The following FBXO31 variants were observed in gnomAD, a reference collection of about 807,000 sequenced individuals.
FBXO31 encodes the protein F-box protein 31.
In FBXO31, 24 loss-of-function variants were observed where a neutral mutation model predicts 54.4. That is an observed-to-expected ratio of 0.44 (90% CI 0.32 to 0.62). FBXO31 has a LOEUF of 0.62. FBXO31 is among the 20% of genes least tolerant of loss of function. The pLI is 0.05. For synonymous variants in FBXO31, 388 were observed against 335.6 expected (o/e 1.16, Z -1.71); for missense variants, 665 against 787.1 (o/e 0.84, Z 1.86).
chr16:87,376,905 C>T lies in FBXO31; in HGVS notation c.340+6500G>A, dbSNP rs1345508346. Among the ~76,000 whole-genome samples, 5 of 152,186 alleles carry T rather than the reference C, an allele frequency of 3.3e-5. No individual in the cohort carries two copies. In the East Asian group the frequency reaches 9.6e-4, roughly 29 times the overall value. ...AGTTTCAGGGCTCAGAAAACTAAGA[C>T]CCGATCTATCTCATATACGACTATT... On this transcript the variant is annotated intron_variant, in intron 1 of 8. Coordinates refer to ENST00000311635, the MANE Select transcript of FBXO31 (RefSeq NM_024735.5).
At chr16:87,340,224 T>A (rs747220053) in intron 5 of FBXO31, among the ~76,000 whole-genome samples, 2 of 152,062 alleles carry the variant, frequency 1.3e-5, no homozygotes, top group Non-Finnish European at 2.9e-5. Flanking sequence ...GAGGCGGAGG[T>A]TGCAGTGAGC....
chr16:87,360,400 C>A, intron 1 of FBXO31, 34 bp from the exon 2 acceptor site: 1 of 1,601,346 alleles, frequency 6.2e-7, no homozygotes, highest in South Asian at 1.1e-5. Context: ...AATTTAAGAT[C>A]AACAACTCAT....
intron 1 of FBXO31, among the ~76,000 whole-genome samples, chr16:87,375,301 C>T (rs548905541): frequency 5.3e-5 from 8 of 150,288 alleles, no homozygotes; most frequent in African/African-American, 1.5e-4. Flanking sequence ...AGCGAGACGC[C>T]GTCTCAAAAA....
At chr16:87,380,646 C>A (rs1339931050) in intron 1 of FBXO31, among the ~76,000 whole-genome samples, 7 of 152,116 alleles carry the variant, frequency 4.6e-5, no homozygotes, top group Non-Finnish European at 5.9e-5. Flanking sequence ...CCTTGGCCTG[C>A]CAAAGTGTGT....
At chr16:87,387,020 TG>T (rs1221017412), upstream of FBXO31, among the ~76,000 whole-genome samples, 1 of 152,006 alleles carries the variant, frequency 6.6e-6, no homozygotes, top group African/African-American at 2.4e-5. Flanking sequence ...AAGAAAAGGC[TG>T]GGAGTGGTGG....
chr16:87,380,229 C>G (rs1223200935), intron 1 of FBXO31, among the ~76,000 whole-genome samples: 1 of 133,534 alleles, frequency 7.5e-6, no homozygotes, highest in East Asian at 2.4e-4. Context: ...ACTCAGGAGG[C>G]AGAGGCTGTA....
intron 1 of FBXO31, chr16:87,367,812 T>A (rs1156862103): frequency 6.6e-6 from 1 of 152,252 alleles, no homozygotes; most frequent in Non-Finnish European, 1.5e-5. Flanking sequence ...TTGTTGTTTA[T>A]GCCGCCTGAA....
rs55746745 is a variant in FBXO31 at position 87,365,010 on chromosome 16, AATATATATATATAT to A, written c.341-4658_341-4645del. Among the ~76,000 whole-genome samples the A allele has an allele frequency of 6.9e-3, 331 of 47,678 alleles. 54 individuals carry two copies. The East Asian group carries it at 0.1, about 15-fold the overall frequency. The allele number at this position is 47,678 out of a possible 152,430, so 31.3% of individuals were successfully genotyped here. A position where few individuals can be genotyped will look rare whatever the true frequency, so the allele number is the denominator to read the frequency against. On this transcript the variant is annotated intron_variant, in intron 1 of 8. Transcript: ENST00000311635. The stretch of plus-strand genomic sequence containing the variant: ...TGACAGAGCGAGACCCCGTCTCTTA[AATATATATATATAT>A]ATATATATATATATATCAGGCAGGC...
chr16:87,335,483 A>T lies in FBXO31; in HGVS notation c.843-26T>A. On this transcript the variant is annotated intron_variant, in intron 6 of 8. Transcript: ENST00000311635. This position sits in a 1 kb window ranked among gnomAD's most constrained non-coding sequence, Gnocchi z 5.7. Reference sequence around the variant, plus strand: ...CTGTGGGGAGCGGACGGGTCAGTACAGGAGACCTCGTGGGGCAGGCAGGAC... The same window carrying T: ...CTGTGGGGAGCGGACGGGTCAGTACTGGAGACCTCGTGGGGCAGGCAGGAC... The T allele has an allele frequency of 6.8e-7, 1 of 1,474,586 alleles. No homozygotes were observed. Among genetic ancestry groups the T allele is most frequent in the Middle Eastern group, 1.9e-4 (1 of 5,310 alleles). The allele number at this position is 1,474,586 out of a possible 1,614,324, so 91.3% of individuals were successfully genotyped here.
chr16:87,367,433 CA>C (rs1906416916), intron 1 of FBXO31: 1 of 152,240 alleles, frequency 6.6e-6, no homozygotes, highest in South Asian at 2.1e-4. Flanking sequence ...TCAAGATTCC[CA>C]GGGGGGTCCT....
chr16:87,343,532 G>A, intron 4 of FBXO31, 66 bp downstream of exon 4: 1 of 1,525,954 alleles, frequency 6.6e-7, no homozygotes, highest in Non-Finnish European at 8.8e-7. Context: ...AGCACGGCAG[G>A]CCTGGCTGGA....
Position 87,334,254 on chromosome 16 carries a change from T to G in FBXO31, c.1029A>C (p.Thr343=), listed in dbSNP as rs761364387. 8 of 1,603,952 alleles carry G rather than the reference T, an allele frequency of 5.0e-6. No homozygotes were observed. In the South Asian group the frequency reaches 8.9e-5, roughly 18 times the overall value. The change falls in exon 8 of 9, where the codon ACA becomes ACC. Residue 343 remains threonine, a synonymous_variant. Transcript: ENST00000311635. ...GDPNIPAGQQ[T]VEIDLRHRIQ... is the part of the protein sequence containing the mutation. Reference sequence around the variant, plus strand: ...TCCGATGCCTCAGGTCGATCTCCACTGTCTGCTGCCCAGCGGGGATGTTGG... The same window carrying G: ...TCCGATGCCTCAGGTCGATCTCCACGGTCTGCTGCCCAGCGGGGATGTTGG...
chr16:87,374,937 C>T (rs913046467), intron 1 of FBXO31, among the ~76,000 whole-genome samples: 2 of 152,222 alleles, frequency 1.3e-5, no homozygotes, highest in African/African-American at 4.8e-5. Context: ...AATCCCAACA[C>T]TTTGAGAGGC....
At chr16:87,361,802 G>A (rs1906146072) in intron 1 of FBXO31, among the ~76,000 whole-genome samples, 1 of 152,236 alleles carries the variant, frequency 6.6e-6, no homozygotes, top group Non-Finnish European at 1.5e-5. Context: ...TCAAGGCGAG[G>A]TGGCTGCTAC....
At chr16:87,362,459 TA>T (rs1906178220) in intron 1 of FBXO31, 1 of 152,208 alleles carries the variant, frequency 6.6e-6, no homozygotes, top group African/African-American at 2.4e-5. Context: ...TGGCTATAGT[TA>T]AAACATACCA....
At chr16:87,387,263 C>T (rs917822861), upstream of FBXO31, among the ~76,000 whole-genome samples, 1 of 152,098 alleles carries the variant, frequency 6.6e-6, no homozygotes, top group Non-Finnish European at 1.5e-5. Context: ...CTGAATACGT[C>T]CTTGGAACAC....
At chr16:87,377,079 C>T (rs1199124480) in intron 1 of FBXO31, among the ~76,000 whole-genome samples, 1 of 152,194 alleles carries the variant, frequency 6.6e-6, no homozygotes, top group African/African-American at 2.4e-5. Flanking sequence ...TAGTTGTTTA[C>T]CACGTTCGTA....
At position 87,383,616 on chromosome 16, in the gene FBXO31, G is replaced by A. The variant is rs769909039; in HGVS notation, c.129C>T (p.Arg43=). 1.2e-5 allele frequency: 18 copies of A among 1,463,182 alleles called. No homozygotes were observed. The highest frequency in any genetic ancestry group is 1.5e-5 in the Non-Finnish European group (17 of 1,113,498). The allele number at this position is 1,463,182 out of a possible 1,614,324, so 90.6% of individuals were successfully genotyped here. A position where few individuals can be genotyped will look rare whatever the true frequency, so the allele number is the denominator to read the frequency against. The change falls in exon 1 of 9, where the codon CGC becomes CGT. Residue 43 remains arginine (R), a synonymous_variant. Coordinates refer to ENST00000311635, the MANE Select transcript of FBXO31 (RefSeq NM_024735.5). The surrounding 1 kb of genome is among the most constrained non-coding windows in gnomAD (Gnocchi z 4.9). ...CCCCGACCCCGGCGCTAGCCTCGAT[G>A]CGCTCCTCCTCGGGGTCTGTGTCCG... ...SEPDTDPEEE[R]IEASAGVGGG...
At chr16:87,370,813 G>C (rs1021263110) in intron 1 of FBXO31, among the ~76,000 whole-genome samples, 2 of 152,166 alleles carry the variant, frequency 1.3e-5, no homozygotes, top group African/African-American at 2.4e-5. Context: ...ACCAAAAGAC[G>C]ACACTGATTG....
Sources: allele counts gnomAD v4.1 joint callset (sites outside exome capture counted in the v4.1 genomes callset), GRCh38; gene constraint gnomAD v4.1.1; non-coding constraint Gnocchi (gnomAD v3.1); transcripts MANE v1.5; gene names NCBI Gene and HGNC (gene_info 2026-07-23, HGNC 2026-07-21).